Variants in PPM1G observed in about 807,000 individuals in gnomAD.
PPM1G encodes protein phosphatase, Mg2+/Mn2+ dependent 1G.
PPM1G carries 12 observed loss-of-function variants against 59.4 expected under a neutral mutation model. That is an observed-to-expected ratio of 0.20 (90% CI 0.13 to 0.33). PPM1G has a LOEUF of 0.33. Ranked by LOEUF, PPM1G falls within the 10% of genes least tolerant of loss-of-function variation. PPM1G has a pLI of 1.00. For missense variants in PPM1G, 392 were observed against 681.3 expected (o/e 0.58, Z 4.73); for synonymous variants, 245 against 251.9 (o/e 0.97, Z 0.26).
chr2:27,396,795 G>A (rs1684063622), intron 1 of PPM1G, among the ~76,000 whole-genome samples: 1 of 133,186 alleles, frequency 7.5e-6, no homozygotes, highest in South Asian at 2.3e-4. Context: ...CAGCATAGGT[G>A]ACAGAGCAAG....
Position 27,382,484 on chromosome 2 carries a change from A to G in PPM1G, c.1323T>C (p.Asp441=). Reference sequence around the variant, plus strand: ...ATTCTGCCAGTGCTCACCAGATGCCATCACAGGCAATGACCATGAATTCAT... The same window carrying G: ...ATTCTGCCAGTGCTCACCAGATGCCGTCACAGGCAATGACCATGAATTCAT... ...DDHEFMVIAC[D]GIWNVMSSQE... The change falls in exon 8 of 10, where the codon GAT becomes GAC. Residue 441 remains aspartate, a synonymous_variant. Transcript: ENST00000344034. The surrounding 1 kb of genome is among the most constrained non-coding windows in gnomAD (Gnocchi z 4.2). 6.2e-7 allele frequency: 1 copy of G among 1,614,190 alleles called. No homozygotes were observed. Among genetic ancestry groups the G allele is most frequent in the Non-Finnish European group, 8.5e-7 (1 of 1,180,044 alleles).
rs1264297457 is a variant in PPM1G at position 27,383,623 on chromosome 2, T to A, written c.967-23A>T. ...AGGCTTAAGAGGAAGAAAAGGAGCA[T>A]CATGGGGGCTTCTGAACATGCGTTC... On this transcript the variant is annotated intron_variant, in intron 6 of 9. Coordinates refer to ENST00000344034, the MANE Select transcript of PPM1G (RefSeq NM_177983.3). The surrounding 1 kb of genome is among the most constrained non-coding windows in gnomAD (Gnocchi z 5.0). 3.1e-6 allele frequency: 5 copies of A among 1,588,046 alleles called. No homozygotes were observed. Among genetic ancestry groups the A allele is most frequent in the Non-Finnish European group, 4.3e-6 (5 of 1,164,820 alleles).
In PPM1G at chr2:27,381,458, T is replaced by C. The variant is rs114078642; in HGVS notation, c.*141A>G. On this transcript the variant is annotated 3_prime_UTR_variant, in exon 10 of 10. Coordinates refer to ENST00000344034, the MANE Select transcript of PPM1G (RefSeq NM_177983.3). Reference sequence around the variant, plus strand: ...CTGCAGTGTGGAGGGAGAGCCCTCTTTGGAATGGGCGGAGTGAAGCCACCC... The same window carrying C: ...CTGCAGTGTGGAGGGAGAGCCCTCTCTGGAATGGGCGGAGTGAAGCCACCC... 4,521 of 883,418 alleles carry C rather than the reference T, an allele frequency of 5.1e-3. 22 individuals carry two copies. Among genetic ancestry groups the C allele is most frequent in the Non-Finnish European group, 7.1e-3 (3,971 of 561,806 alleles). 54.7% of individuals were successfully genotyped at this position (883,418 alleles called of 1,614,324 possible). A position where few individuals can be genotyped will look rare whatever the true frequency, so the allele number is the denominator to read the frequency against.
At position 27,381,305 on chromosome 2, in the gene PPM1G, T is replaced by G; in HGVS notation, c.*294A>C. ...AGCCGCCAATAAAAAAGAATGTCCT[T>G]AAATAAAGTTCACAGAGTAAAAACC... On this transcript the variant is annotated 3_prime_UTR_variant, in exon 10 of 10. Coordinates refer to ENST00000344034, the MANE Select transcript of PPM1G (RefSeq NM_177983.3). The G allele has an allele frequency of 2.1e-6, 1 of 477,160 alleles. No individual in the cohort carries two copies. Among genetic ancestry groups the G allele is most frequent in the Non-Finnish European group, 3.8e-6 (1 of 262,448 alleles). 29.6% of individuals were successfully genotyped at this position (477,160 alleles called of 1,614,324 possible).
At chr2:27,387,000 A>G (rs1286116900) in intron 2 of PPM1G, 89 bp downstream of exon 2, 11 of 1,016,770 alleles carry the variant, frequency 1.1e-5, no homozygotes, top group Non-Finnish European at 1.1e-5. Context: ...CAGACCCTGG[A>G]AAGTAAATGA....
At chr2:27,390,284 C>T (rs1444485898) in intron 1 of PPM1G, among the ~76,000 whole-genome samples, 1 of 152,116 alleles carries the variant, frequency 6.6e-6, no homozygotes, top group Non-Finnish European at 1.5e-5. Context: ...CCTCCCAAAA[C>T]GCTGGGATTA....
chr2:27,387,564 G>A (rs957509921), intron 1 of PPM1G, among the ~76,000 whole-genome samples: 2 of 151,902 alleles, frequency 1.3e-5, no homozygotes, highest in African/African-American at 2.4e-5. Context: ...GCAGTGGCGC[G>A]ATCTTGGCTC....
chr2:27,409,300 C>T lies in PPM1G; in HGVS notation c.120+3G>A, dbSNP rs1047802151. 8 of 1,553,284 alleles carry T rather than the reference C, an allele frequency of 5.2e-6. No homozygotes were observed. In the African/African-American group the frequency reaches 9.7e-5, roughly 19 times the overall value. On this transcript the variant is annotated splice_donor_region_variant and intron_variant, in intron 1 of 9. Transcript: ENST00000344034. ...GCCAGCCTATGGGCCCCTGCCTCCT[C>T]ACCTCCATGGAGACGCGCCAGCCTT...
At chr2:27,386,159 C>T (rs1683758912) in intron 3 of PPM1G, 35 bp downstream of exon 3, 3 of 1,563,862 alleles carry the variant, frequency 1.9e-6, no homozygotes, top group Non-Finnish European at 2.6e-6. Context: ...GAAAAGCCTA[C>T]ACAAGTGAGG....
chr2:27,386,144 C>A lies in PPM1G; in HGVS notation c.276+50G>T, dbSNP rs17006046. 2.6e-3 allele frequency: 3,981 copies of A among 1,520,794 alleles called. 81 individuals are homozygous for A. In the African/African-American group the frequency reaches 0.047, roughly 18 times the overall value. 94.2% of individuals were successfully genotyped at this position (1,520,794 alleles called of 1,614,324 possible). A position where few individuals can be genotyped will look rare whatever the true frequency, so the allele number is the denominator to read the frequency against. ...AAGGAAAAGCCCAAGGGCTAGAGAACAAGGGAAAAGCCTACACAAGTGAGG... is the reference window on the plus strand; with the variant it reads ...AAGGAAAAGCCCAAGGGCTAGAGAAAAAGGGAAAAGCCTACACAAGTGAGG... On this transcript the variant is annotated intron_variant, in intron 3 of 9. Coordinates refer to ENST00000344034, the MANE Select transcript of PPM1G (RefSeq NM_177983.3).
chr2:27,386,973 G>A, intron 2 of PPM1G, 116 bp downstream of exon 2: 1 of 761,630 alleles, frequency 1.3e-6, no homozygotes, highest in East Asian at 2.7e-5. Flanking sequence ...CACCACGCAG[G>A]AAATGATAAT....
In PPM1G at chr2:27,383,878, C is replaced by T; in HGVS notation, c.966+74G>A. The T allele has an allele frequency of 6.5e-7, 1 of 1,538,374 alleles. No individual in the cohort carries two copies. On this transcript the variant is annotated intron_variant, in intron 6 of 9. Transcript: ENST00000344034. This position sits in a 1 kb window ranked among gnomAD's most constrained non-coding sequence, Gnocchi z 5.0. Reference sequence around the variant, plus strand: ...CTAAAGTATCAGGGGGATCCCCTGTCTCAAAATCAAAATTAGGGGATTCAC... The same window carrying T: ...CTAAAGTATCAGGGGGATCCCCTGTTTCAAAATCAAAATTAGGGGATTCAC...
Position 27,383,184 on chromosome 2 carries a change from G to T in PPM1G, c.1201+182C>A, listed in dbSNP as rs1395534785. Among the ~76,000 whole-genome samples, 1 of 152,112 alleles carries T rather than the reference G, an allele frequency of 6.6e-6. No homozygotes were observed. Among genetic ancestry groups the T allele is most frequent in the Non-Finnish European group, 1.5e-5 (1 of 68,032 alleles). ...AAATGTTACATAAGATGGGTATAAT[G>T]ATACCTATGTATAATGATACCTCTA... On this transcript the variant is annotated intron_variant, in intron 7 of 9. Transcript: ENST00000344034. This position sits in a 1 kb window ranked among gnomAD's most constrained non-coding sequence, Gnocchi z 5.0.
intron 1 of PPM1G, chr2:27,393,058 T>A (rs1385281906): frequency 4.6e-6 from 6 of 1,301,064 alleles, no homozygotes; most frequent in East Asian, 4.6e-5. Context: ...ATGTAATCCA[T>A]CGCATTCAGC....
chr2:27,383,881 A>C lies in PPM1G; in HGVS notation c.966+71T>G. On this transcript the variant is annotated intron_variant, in intron 6 of 9. Coordinates refer to ENST00000344034, the MANE Select transcript of PPM1G (RefSeq NM_177983.3). The surrounding 1 kb of genome is among the most constrained non-coding windows in gnomAD (Gnocchi z 5.0). ...AAGTATCAGGGGGATCCCCTGTCTC[A>C]AAATCAAAATTAGGGGATTCACACC... 6.5e-7 allele frequency: 1 copy of C among 1,540,606 alleles called. No homozygotes were observed. Among genetic ancestry groups the C allele is most frequent in the Non-Finnish European group, 8.8e-7 (1 of 1,140,404 alleles).
At chr2:27,407,921 C>A (rs1340886766) in intron 1 of PPM1G, among the ~76,000 whole-genome samples, 2 of 152,082 alleles carry the variant, frequency 1.3e-5, no homozygotes, top group East Asian at 3.9e-4. Flanking sequence ...GTGGCACATG[C>A]CTGTAATCCC....
At chr2:27,404,398 A>C (rs1392114388) in intron 1 of PPM1G, among the ~76,000 whole-genome samples, 1 of 151,870 alleles carries the variant, frequency 6.6e-6, no homozygotes, top group East Asian at 1.9e-4. Flanking sequence ...AATACAAAAA[A>C]AAATTAGCTG....
intron 9 of PPM1G, 104 bp from the exon 10 acceptor site, chr2:27,381,909 G>T: frequency 2.4e-6 from 3 of 1,225,076 alleles, no homozygotes; most frequent in East Asian, 2.4e-5. Flanking sequence ...TGGTAGGAGA[G>T]GAATGGGCAA....
chr2:27,407,339 A>G (rs1391084998), intron 1 of PPM1G, among the ~76,000 whole-genome samples: 1 of 152,144 alleles, frequency 6.6e-6, no homozygotes, highest in Non-Finnish European at 1.5e-5. Context: ...TCTTGGCTCA[A>G]TGAAGGCTCT....
Sources: allele counts gnomAD v4.1 joint callset (sites outside exome capture counted in the v4.1 genomes callset), GRCh38; gene constraint gnomAD v4.1.1; non-coding constraint Gnocchi (gnomAD v3.1); transcripts MANE v1.5; gene names NCBI Gene and HGNC (gene_info 2026-07-23, HGNC 2026-07-21).